STARD6: variants seen among roughly 807,000 people sequenced by gnomAD.
STARD6 encodes StAR related lipid transfer domain containing 6.
In STARD6, 21 loss-of-function variants were observed where a neutral mutation model predicts 22.3. The observed-to-expected ratio is 0.94, with a 90% CI of 0.67 to 1.35. The LOEUF is 1.35. Ranked by LOEUF, STARD6 falls within the 40% of genes most tolerant of loss-of-function variation. STARD6 has a pLI of 0.00. For synonymous variants in STARD6, 80 were observed against 88.1 expected, an observed-to-expected ratio of 0.91 and a Z score of 0.52; for missense variants, 269 against 266.9, an observed-to-expected ratio of 1.01 and a Z score of -0.05.
intron 2 of STARD6, 92 bp from the exon 3 acceptor site, chr18:54,354,669 G>T (rs1395431458): frequency 2.4e-6 from 2 of 826,804 alleles, no homozygotes; most frequent in Non-Finnish European, 3.9e-6. Flanking sequence ...TTTCTATAAT[G>T]CCTGTCACAT....
intron 4 of STARD6, among the ~76,000 whole-genome samples, chr18:54,351,898 C>CTTTTTTTTT (rs1568174614): frequency 1.6e-5 from 1 of 61,558 alleles, no homozygotes; most frequent in African/African-American, 9.9e-5. Flanking sequence ...GATATTGGTC[C>CTTTTTTTTT]GTTTTTTTTT....
chr18:54,349,226 C>T (rs1026427176), intron 4 of STARD6, among the ~76,000 whole-genome samples: 1 of 152,064 alleles, frequency 6.6e-6, no homozygotes, highest in African/African-American at 2.4e-5. Context: ...TATTTGGGAA[C>T]TTTGGCCACG....
chr18:54,346,998 G>A (rs2089042837), intron 4 of STARD6, among the ~76,000 whole-genome samples: 2 of 151,986 alleles, frequency 1.3e-5, no homozygotes, highest in African/African-American at 4.8e-5. Flanking sequence ...GTACAACTCT[G>A]TATATATACT....
chr18:54,340,622 C>T (rs1377121822), intron 4 of STARD6, among the ~76,000 whole-genome samples: 2 of 152,016 alleles, frequency 1.3e-5, no homozygotes, highest in Non-Finnish European at 2.9e-5. Context: ...ATAAATACAA[C>T]CATATAACAG....
chr18:54,350,815 G>A (rs573863762), intron 4 of STARD6, among the ~76,000 whole-genome samples: 3 of 152,114 alleles, frequency 2.0e-5, no homozygotes, highest in African/African-American at 4.8e-5. Context: ...TTATTTCTGG[G>A]TTCTCTATTC....
chr18:54,328,226 C>T (rs1568165757), intron 7 of STARD6, among the ~76,000 whole-genome samples: 3 of 152,116 alleles, frequency 2.0e-5, no homozygotes, highest in African/African-American at 7.2e-5. Context: ...GGTCTTAAAT[C>T]TTTATTTGTG....
chr18:54,331,896 C>T (rs1348688280), intron 5 of STARD6, 37 bp from the exon 6 acceptor site: 4 of 1,385,654 alleles, frequency 2.9e-6, no homozygotes, highest in African/African-American at 2.8e-5. Context: ...ACAAACGTTA[C>T]TTAATATCTA....
chr18:54,334,239 A>G (rs1395656750), intron 5 of STARD6, among the ~76,000 whole-genome samples: 2 of 152,092 alleles, frequency 1.3e-5, no homozygotes, highest in Non-Finnish European at 2.9e-5. Context: ...AAGCCACCAT[A>G]ATGTCTCATT....
At position 54,354,505 on chromosome 18, in the gene STARD6, G is replaced by A. The variant is rs559785396; in HGVS notation, c.69C>T (p.Gly23=). 45 of 1,613,186 alleles carry A rather than the reference G, an allele frequency of 2.8e-5. No homozygotes were observed. The Admixed American group carries it at 3.8e-4, about 14-fold the overall frequency. ...EVLGYNRDTS[G]WKVVKTSKKI... ...TTACTGAAGTTTTAACCACTTTCCAGCCTGATGTATCTCGATTATAACCTA... is the reference window on the plus strand; with the variant it reads ...TTACTGAAGTTTTAACCACTTTCCAACCTGATGTATCTCGATTATAACCTA... Residue 23 remains glycine (G), a synonymous_variant, in exon 3 of 8, where the codon GGC becomes GGT. Coordinates refer to ENST00000307844, the MANE Select transcript of STARD6 (RefSeq NM_139171.2).
At chr18:54,343,190 GC>G in intron 4 of STARD6, among the ~76,000 whole-genome samples, 1 of 34,486 alleles carries the variant, frequency 2.9e-5, no homozygotes, top group East Asian at 8.9e-4. Context: ...CTGCCCGGCC[GC>G]CCCGTCTGAG....
rs186370102 is a variant in STARD6 at position 54,348,094 on chromosome 18, G to C, written c.140+5960C>G. ...ATGACTTTCATCTTCTGCTATGATT[G>C]TGAGACCTCCCCAGCTACATGGAAC... On this transcript the variant is annotated intron_variant, in intron 4 of 7. Transcript: ENST00000307844. Among the ~76,000 whole-genome samples the C allele has an allele frequency of 7.9e-5, 12 of 152,148 alleles. No individual in the cohort carries two copies. The East Asian group carries it at 2.3e-3, about 29-fold the overall frequency.
chr18:54,336,385 G>C (rs756807840), intron 5 of STARD6, among the ~76,000 whole-genome samples: 1 of 152,156 alleles, frequency 6.6e-6, no homozygotes, highest in Non-Finnish European at 1.5e-5. Context: ...CCCGCATGCT[G>C]TTCTCCTGCT....
intron 5 of STARD6, among the ~76,000 whole-genome samples, chr18:54,332,377 G>C (rs1007106340): frequency 3.3e-5 from 5 of 152,188 alleles, no homozygotes; most frequent in Non-Finnish European, 2.9e-5. Context: ...CTGCAGATAA[G>C]ATCCCCTAGC....
intron 4 of STARD6, among the ~76,000 whole-genome samples, chr18:54,346,623 CATTA>C (rs2144689623): frequency 6.6e-6 from 1 of 152,064 alleles, no homozygotes; most frequent in African/African-American, 2.4e-5. Context: ...TTCATAACAG[CATTA>C]TTTATAATAC....
chr18:54,354,472 T>C lies in STARD6; in HGVS notation c.90+12A>G, dbSNP rs1286485347. 7 of 1,585,586 alleles carry C rather than the reference T, an allele frequency of 4.4e-6. No individual in the cohort carries two copies. In the African/African-American group the frequency reaches 8.1e-5, roughly 18 times the overall value. On this transcript the variant is annotated intron_variant, in intron 3 of 7. Transcript: ENST00000307844. ...ACAAAGTCTTGAAACATAATTTAACTTATTTTCTTACTGAAGTTTTAACCA... is the reference window on the plus strand; with the variant it reads ...ACAAAGTCTTGAAACATAATTTAACCTATTTTCTTACTGAAGTTTTAACCA...
At chr18:54,336,066 T>A (rs1264630212) in intron 5 of STARD6, among the ~76,000 whole-genome samples, 1 of 152,190 alleles carries the variant, frequency 6.6e-6, no homozygotes, top group Non-Finnish European at 1.5e-5. Flanking sequence ...CCTTACCTCA[T>A]ACTGATCCTT....
chr18:54,329,224 A>G (rs900150231), intron 7 of STARD6, 123 bp downstream of exon 7: 9 of 665,482 alleles, frequency 1.4e-5, no homozygotes, highest in Non-Finnish European at 1.5e-5. Flanking sequence ...ATTTAGGGGA[A>G]GTTTTTTTCC....
Position 54,331,777 on chromosome 18 carries a change from A to C in STARD6, c.350T>G (p.Ile117Ser). 1 of 1,612,940 alleles carries C rather than the reference A, an allele frequency of 6.2e-7. No individual in the cohort carries two copies. The highest frequency in any genetic ancestry group is 2.2e-5 in the East Asian group (1 of 44,866). Residue 117 changes from isoleucine to serine, a missense_variant, in exon 6 of 8, where the codon ATC becomes AGC. Transcript: ENST00000307844. ...SPRDFIDLVYIKRYEGNMNII... is the reference protein window; with the variant it reads ...SPRDFIDLVYSKRYEGNMNII... ...GTTCATATTTCCTTCGTAGCGCTTGATGTACACTAAGTCGATAAAGTCTCG... is the reference window on the plus strand; with the variant it reads ...GTTCATATTTCCTTCGTAGCGCTTGCTGTACACTAAGTCGATAAAGTCTCG...
rs559818652 is a variant in STARD6, at chr18:54,350,454, T to C, written c.140+3600A>G. Among the ~76,000 whole-genome samples the C allele has an allele frequency of 2.0e-4, 30 of 152,352 alleles. 1 individual carries two copies. The East Asian group carries it at 5.6e-3, about 28-fold the overall frequency. ...GGTTACCTGTTTCCTCTGCCGATTA[T>C]TTCTTTTACGATGCAGAAGGCTTTT... On this transcript the variant is annotated intron_variant, in intron 4 of 7. Transcript: ENST00000307844.
Sources: allele counts gnomAD v4.1 joint callset (sites outside exome capture counted in the v4.1 genomes callset), GRCh38; gene constraint gnomAD v4.1.1; transcripts MANE v1.5; gene names NCBI Gene and HGNC (gene_info 2026-07-23, HGNC 2026-07-21).